The following MEIS2 variants were observed in gnomAD, a reference collection of about 807,000 sequenced individuals.
The protein encoded by MEIS2 is homeobox protein Meis2.
MEIS2 carries 9 observed loss-of-function variants against 58.6 expected under a neutral mutation model. That is an observed-to-expected ratio of 0.15 (90% CI 0.09 to 0.27). MEIS2 has a LOEUF of 0.27. MEIS2 is among the 10% of genes least tolerant of loss of function. The pLI is 1.00. For synonymous variants in MEIS2, 221 were observed against 228.4 expected (o/e 0.97, Z 0.29); for missense variants, 427 against 635.0 (o/e 0.67, Z 3.52).
At chr15:36,977,376 CT>C (rs1174298418) in intron 8 of MEIS2, among the ~76,000 whole-genome samples, 5 of 151,954 alleles carry the variant, frequency 3.3e-5, no homozygotes, top group Non-Finnish European at 5.9e-5. Flanking sequence ...TAAAAAAAAT[CT>C]TGTTGATTGG....
At chr15:37,064,122 T>A (rs1358850096) in intron 7 of MEIS2, among the ~76,000 whole-genome samples, 4 of 152,132 alleles carry the variant, frequency 2.6e-5, no homozygotes, top group Admixed American at 2.0e-4. Flanking sequence ...ACTTACACAT[T>A]ATCTCAACCA....
chr15:36,939,273 C>T (rs1250228142), intron 9 of MEIS2, among the ~76,000 whole-genome samples: 1 of 152,164 alleles, frequency 6.6e-6, no homozygotes, highest in African/African-American at 2.4e-5. Context: ...TGCATACCTA[C>T]TAAGAGTTAT....
chr15:37,065,071 T>C (rs1889734619), intron 7 of MEIS2, among the ~76,000 whole-genome samples: 1 of 152,172 alleles, frequency 6.6e-6, no homozygotes, highest in Non-Finnish European at 1.5e-5. Context: ...TTTTCAGAAG[T>C]TTTCAAGATC....
At chr15:37,003,447 G>C (rs1398270250) in intron 8 of MEIS2, among the ~76,000 whole-genome samples, 2 of 151,930 alleles carry the variant, frequency 1.3e-5, no homozygotes, top group Non-Finnish European at 2.9e-5. Context: ...ATTTAGAAGA[G>C]AGGGAAGGCA....
At chr15:37,098,909 T>G (rs1379175409) in intron 1 of MEIS2, 1 of 985,170 alleles carries the variant, frequency 1.0e-6, no homozygotes, top group Non-Finnish European at 1.2e-6. Context: ...ACCAGAAACA[T>G]TATTTAGCAG....
At chr15:37,077,735 C>A (rs11073223) in intron 7 of MEIS2, among the ~76,000 whole-genome samples, 151,495 of 151,892 alleles carry the variant, frequency 1, 75,549 homozygotes, top group Middle Eastern at 1. Context: ...GGGAAGGGGG[C>A]GCGGCATGAC....
chr15:36,937,973 G>A (rs2058237229), intron 9 of MEIS2, among the ~76,000 whole-genome samples: 1 of 152,134 alleles, frequency 6.6e-6, no homozygotes, highest in Non-Finnish European at 1.5e-5. Context: ...AGAATTTTGT[G>A]CTTTAAATAG....
Position 36,964,318 on chromosome 15 carries a change from C to G in MEIS2, c.901-13918G>C, listed in dbSNP as rs140554751. Among the ~76,000 whole-genome samples the G allele has an allele frequency of 3.6e-3, 543 of 152,248 alleles. 2 individuals carry two copies. The highest frequency in any genetic ancestry group is 0.012 in the African/African-American group (510 of 41,554). On this transcript the variant is annotated intron_variant, in intron 8 of 11. Coordinates refer to ENST00000561208, the MANE Select transcript of MEIS2 (RefSeq NM_170675.5). ...AAAAGTCTAGGAGAGCAGTATAGCTCAATAAGTATTTTGTAAGGGAATGAA... is the reference window on the plus strand; with the variant it reads ...AAAAGTCTAGGAGAGCAGTATAGCTGAATAAGTATTTTGTAAGGGAATGAA...
At chr15:36,907,878 C>G (rs550608748) in intron 9 of MEIS2, among the ~76,000 whole-genome samples, 2 of 151,304 alleles carry the variant, frequency 1.3e-5, no homozygotes, top group South Asian at 4.2e-4. Context: ...CTGTTTAAAC[C>G]AAATGCTATT....
At chr15:36,962,773 C>T (rs2059228691) in intron 8 of MEIS2, among the ~76,000 whole-genome samples, 1 of 152,206 alleles carries the variant, frequency 6.6e-6, no homozygotes, top group South Asian at 2.1e-4. Context: ...CCTCATGCAA[C>T]AGAAGCTGAG....
At chr15:36,957,569 A>C (rs2059026348) in intron 8 of MEIS2, among the ~76,000 whole-genome samples, 1 of 152,160 alleles carries the variant, frequency 6.6e-6, no homozygotes, top group Admixed American at 6.5e-5. Context: ...CACTCCCCAC[A>C]AACTTCCACA....
chr15:37,021,926 T>C (rs183976658), intron 8 of MEIS2, among the ~76,000 whole-genome samples: 12 of 152,260 alleles, frequency 7.9e-5, no homozygotes, highest in African/African-American at 2.9e-4. Flanking sequence ...CACATAGAGA[T>C]TTCCCCTTAT....
intron 8 of MEIS2, among the ~76,000 whole-genome samples, chr15:36,950,743 G>A (rs751179450): frequency 5.9e-5 from 9 of 152,016 alleles, no homozygotes; most frequent in Non-Finnish European, 1.3e-4. Flanking sequence ...CTGGTTTCAG[G>A]CCCCTTTTAC....
At chr15:36,924,400 G>GTCCAAAAA (rs2057658121) in intron 9 of MEIS2, among the ~76,000 whole-genome samples, 1 of 152,166 alleles carries the variant, frequency 6.6e-6, no homozygotes, top group Admixed American at 6.5e-5. Flanking sequence ...CACCAAATCA[G>GTCCAAAAA]TCCAAAAACC....
chr15:37,024,464 T>C (rs1476389322), intron 8 of MEIS2, among the ~76,000 whole-genome samples: 1 of 152,220 alleles, frequency 6.6e-6, no homozygotes. Context: ...TGCCACCATT[T>C]TCAGCTTCCA....
intron 8 of MEIS2, among the ~76,000 whole-genome samples, chr15:36,970,383 G>C (rs561806625): frequency 3.4e-5 from 5 of 147,504 alleles, no homozygotes; most frequent in African/African-American, 1.3e-4. Flanking sequence ...CAGCCTGGGC[G>C]ACAGAGCAAG....
At chr15:37,027,642 T>C (rs1455527178) in intron 8 of MEIS2, among the ~76,000 whole-genome samples, 1 of 152,232 alleles carries the variant, frequency 6.6e-6, no homozygotes, top group Non-Finnish European at 1.5e-5. Context: ...TAAACAATTA[T>C]ACTTCGAGTG....
chr15:36,985,878 T>G (rs1346312553), intron 8 of MEIS2, among the ~76,000 whole-genome samples: 2 of 152,320 alleles, frequency 1.3e-5, no homozygotes, highest in Non-Finnish European at 2.9e-5. Flanking sequence ...TTGTGAAGCA[T>G]ATTCTTACCT....
intron 9 of MEIS2, among the ~76,000 whole-genome samples, chr15:36,907,033 G>A (rs1456250727): frequency 6.6e-6 from 1 of 152,036 alleles, no homozygotes; most frequent in Non-Finnish European, 1.5e-5. Context: ...CACAAATTAC[G>A]TTCCACTCCT....
Sources: gnomAD v4.1 joint callset for allele counts (sites outside exome capture counted in the v4.1 genomes callset) on GRCh38, gnomAD v4.1.1 for gene constraint, MANE v1.5 for transcripts, NCBI Gene and HGNC (gene_info 2026-07-23, HGNC 2026-07-21) for gene names.